Variants in TSNARE1 observed in about 807,000 individuals in gnomAD.
TSNARE1 encodes t-SNARE domain containing 1, also known as t-SNARE domain-containing protein 1.
TSNARE1 carries 49 observed loss-of-function variants against 62.0 expected under a neutral mutation model. The observed-to-expected ratio is 0.79, with a 90% CI of 0.63 to 1.00. The LOEUF (loss-of-function observed/expected upper bound fraction) is 1.00. Ranked by LOEUF, TSNARE1 falls within the 50% of genes least tolerant of loss-of-function variation. The pLI, the probability that TSNARE1 is intolerant of heterozygous loss-of-function variation, is 0.00. For synonymous variants in TSNARE1, 328 were observed against 294.4 expected, an observed-to-expected ratio of 1.11 and a Z score of -1.17; for missense variants, 755 against 700.1, an observed-to-expected ratio of 1.08 and a Z score of -0.88.
At chr8:142,368,034 A>G (rs1380167078) in intron 1 of TSNARE1, among the ~76,000 whole-genome samples, 1 of 152,194 alleles carries the variant, frequency 6.6e-6, no homozygotes, top group African/African-American at 2.4e-5. Context: ...AAGTTTCCCA[A>G]GCAGGACTCA....
rs774683378 is a variant in TSNARE1, at chr8:142,330,888, C to T, written c.893+13G>A. On this transcript the variant is annotated intron_variant, in intron 6 of 13. Coordinates refer to ENST00000524325, the MANE Select transcript of TSNARE1 (RefSeq NM_145003.5). ...ACGCCCAGGCAAAGAGATACCATGG[C>T]CCACACACTCACAGGCTGTCCCGAA... is the stretch of plus-strand genomic sequence containing the variant. 1.2e-5 allele frequency: 20 copies of T among 1,613,804 alleles called. No individual in the cohort carries two copies. The highest frequency in any genetic ancestry group is 2.2e-5 in the South Asian group (2 of 91,070).
chr8:142,398,218 A>ACCCCCAACCCCTCCCAAAG (rs1838032947), intron 1 of TSNARE1, among the ~76,000 whole-genome samples: 1 of 145,482 alleles, frequency 6.9e-6, no homozygotes, highest in Admixed American at 6.8e-5. Context: ...CCTGCCCAAA[A>ACCCCCAACCCCTCCCAAAG]CGCACCCCCA....
intron 9 of TSNARE1, among the ~76,000 whole-genome samples, chr8:142,306,518 T>C (rs1826696619): frequency 6.6e-6 from 1 of 152,118 alleles, no homozygotes; most frequent in African/African-American, 2.4e-5. Flanking sequence ...AGCTGAAAAC[T>C]ACGGACCACA....
chr8:142,280,188 G>A, intron 11 of TSNARE1: 2 of 985,434 alleles, frequency 2.0e-6, no homozygotes, highest in Non-Finnish European at 2.4e-6. Flanking sequence ...GGCTGAAGTT[G>A]GGCTTGCGTG....
intron 1 of TSNARE1, among the ~76,000 whole-genome samples, chr8:142,402,196 G>A (rs928359544): frequency 3.9e-5 from 6 of 152,190 alleles, no homozygotes; most frequent in Admixed American, 2.0e-4. Flanking sequence ...CACCTGGCAG[G>A]ATGAGGGGCG....
At chr8:142,372,613 C>A (rs978399646) in intron 1 of TSNARE1, among the ~76,000 whole-genome samples, 2 of 152,272 alleles carry the variant, frequency 1.3e-5, no homozygotes, top group Middle Eastern at 3.4e-3. Context: ...GCACCCCTGG[C>A]ACATTCCCGA....
intron 6 of TSNARE1, among the ~76,000 whole-genome samples, chr8:142,330,219 T>G (rs1830815514): frequency 6.6e-6 from 1 of 152,154 alleles, no homozygotes; most frequent in East Asian, 1.9e-4. Flanking sequence ...GGGAAAAGTA[T>G]AGACTGCTAG....
chr8:142,304,349 G>C (rs139445035), intron 9 of TSNARE1, among the ~76,000 whole-genome samples: 3,731 of 152,296 alleles, frequency 0.024, 56 homozygotes, highest in East Asian at 0.04. Flanking sequence ...CTCAGGTTCC[G>C]GCCCAGCAGT....
intron 12 of TSNARE1, among the ~76,000 whole-genome samples, chr8:142,260,490 G>A (rs1818804211): frequency 6.6e-6 from 1 of 152,144 alleles, no homozygotes; most frequent in Non-Finnish European, 1.5e-5. Flanking sequence ...CGGCCAGGGA[G>A]GCTGGGTGGG....
At chr8:142,276,689 A>G (rs1166505169) in intron 11 of TSNARE1, 2 of 985,232 alleles carry the variant, frequency 2.0e-6, no homozygotes, top group Non-Finnish European at 2.4e-6. Flanking sequence ...CCTGTGCCCA[A>G]TCCTGCTCTA....
Position 142,223,604 on chromosome 8 carries a change from TCATTTA to T in TSNARE1, c.*11+5863_*11+5868del, listed in dbSNP as rs1252070227. Among the ~76,000 whole-genome samples, 369 of 106,390 alleles carry T rather than the reference TCATTTA, an allele frequency of 3.5e-3. 92 individuals are homozygous for T. The Middle Eastern group carries it at 0.041, about 12-fold the overall frequency. 69.8% of individuals were successfully genotyped at this position (106,390 alleles called of 152,430 possible). ...TCCACTCACTCATTCACTCACTCAC[TCATTTA>T]TCCACTCACTCACTCACTCATTCAC... On this transcript the variant is annotated intron_variant, in intron 13 of 13. Coordinates refer to ENST00000524325, the MANE Select transcript of TSNARE1 (RefSeq NM_145003.5).
At chr8:142,394,612 C>G (rs1039658442) in intron 1 of TSNARE1, among the ~76,000 whole-genome samples, 4 of 152,204 alleles carry the variant, frequency 2.6e-5, no homozygotes, top group Non-Finnish European at 4.4e-5. Flanking sequence ...CGGCCAGACC[C>G]CACGGGATTC....
At chr8:142,294,678 G>C (rs1824385434) in intron 10 of TSNARE1, among the ~76,000 whole-genome samples, 1 of 152,240 alleles carries the variant, frequency 6.6e-6, no homozygotes, top group African/African-American at 2.4e-5. Context: ...GGCCGGCACA[G>C]CTGCAGGAGC....
At chr8:142,390,620 A>G (rs1176862179) in intron 1 of TSNARE1, among the ~76,000 whole-genome samples, 2 of 25,854 alleles carry the variant, frequency 7.7e-5, no homozygotes, top group Admixed American at 6.3e-4. Context: ...TCCATAGCAG[A>G]CGCTGTACAC....
intron 1 of TSNARE1, among the ~76,000 whole-genome samples, chr8:142,390,324 G>T (rs1442727541): frequency 9.3e-4 from 113 of 121,654 alleles, no homozygotes; most frequent in African/African-American, 2.0e-3. Context: ...TGTACACTGC[G>T]GGGGACTCCG....
intron 11 of TSNARE1, among the ~76,000 whole-genome samples, chr8:142,280,514 TG>T (rs997513665): frequency 6.6e-6 from 1 of 152,176 alleles, no homozygotes; most frequent in Non-Finnish European, 1.5e-5. Context: ...GCCTCCCGCC[TG>T]TCCACCCGGC....
intron 7 of TSNARE1, among the ~76,000 whole-genome samples, chr8:142,317,793 A>C (rs1239893994): frequency 2.6e-5 from 4 of 152,156 alleles, no homozygotes; most frequent in Non-Finnish European, 5.9e-5. Context: ...CCCCACCTCT[A>C]CTAAAAACAC....
At chr8:142,252,164 A>C (rs67756423) in intron 12 of TSNARE1, among the ~76,000 whole-genome samples, 33,159 of 152,174 alleles carry the variant, frequency 0.22, 4,138 homozygotes, top group East Asian at 0.41. Context: ...GCACGTTGAG[A>C]GAGAGCTTGT....
intron 6 of TSNARE1, chr8:142,326,275 GACC>G (rs1207823800): frequency 6.4e-6 from 1 of 157,170 alleles, no homozygotes; most frequent in Non-Finnish European, 1.3e-5. Context: ...GGGCCCCGGA[GACC>G]ACGAGACGGA....
Sources: gnomAD v4.1 joint callset for allele counts (sites outside exome capture counted in the v4.1 genomes callset) on GRCh38, gnomAD v4.1.1 for gene constraint, MANE v1.5 for transcripts, NCBI Gene and HGNC (gene_info 2026-07-23, HGNC 2026-07-21) for gene names.